Variants in SORCS1 observed in about 807,000 individuals in gnomAD.
SORCS1 encodes the protein VPS10 domain-containing receptor SorCS1.
In SORCS1, 60 loss-of-function variants were observed where a neutral mutation model predicts 146.1. That is an observed-to-expected ratio of 0.41 (90% confidence interval 0.33 to 0.51). The LOEUF is 0.51. SORCS1 is among the 20% of genes least tolerant of loss of function. The pLI, the probability that SORCS1 is intolerant of heterozygous loss-of-function variation, is 0.21. For missense variants in SORCS1, 1,352 were observed against 1,487.6 expected, an observed-to-expected ratio of 0.91 and a Z score of 1.50; for synonymous variants, 637 against 584.0, an observed-to-expected ratio of 1.09 and a Z score of -1.31.
chr10:106,989,276 A>T (rs1956636991), intron 1 of SORCS1, among the ~76,000 whole-genome samples: 1 of 79,738 alleles, frequency 1.3e-5, no homozygotes, highest in Non-Finnish European at 3.1e-5. Flanking sequence ...CCTCAGAAAA[A>T]AAAAAAAAAA....
intron 2 of SORCS1, among the ~76,000 whole-genome samples, chr10:106,894,380 C>CA (rs1484201084): frequency 6.6e-6 from 1 of 151,290 alleles, no homozygotes; most frequent in Non-Finnish European, 1.5e-5. Context: ...GGGTAGAAAA[C>CA]TTTTTTTTCT....
intron 1 of SORCS1, among the ~76,000 whole-genome samples, chr10:106,989,750 G>A (rs532150492): frequency 1.4e-5 from 2 of 138,762 alleles, no homozygotes; most frequent in African/African-American, 2.9e-5. Context: ...GCAGTGGCGC[G>A]ATCTCGGTTC....
At chr10:106,616,153 C>T (rs911574) in intron 21 of SORCS1, among the ~76,000 whole-genome samples, 108,757 of 151,954 alleles carry the variant, frequency 0.72, 40,739 homozygotes, top group Non-Finnish European at 0.83. Context: ...GCCATAATTT[C>T]CTATCTATAA....
chr10:106,579,234 T>G (rs758283458), intron 25 of SORCS1, 135 bp downstream of exon 25: 2 of 1,614,078 alleles, frequency 1.2e-6, no homozygotes, highest in East Asian at 4.5e-5. Context: ...GGCATAAACA[T>G]TAATCCCCGG....
At chr10:106,676,136 C>G (rs1852008414) in intron 13 of SORCS1, among the ~76,000 whole-genome samples, 1 of 152,106 alleles carries the variant, frequency 6.6e-6, no homozygotes, top group South Asian at 2.1e-4. Context: ...TTTTTTCTCT[C>G]TTTTGCAGCT....
chr10:106,962,126 G>A (rs117858004), intron 1 of SORCS1, among the ~76,000 whole-genome samples: 2,212 of 151,970 alleles, frequency 0.015, 65 homozygotes, highest in African/African-American at 0.05. Flanking sequence ...AGGGCTGGGC[G>A]TGGTGGCTCA....
intron 1 of SORCS1, among the ~76,000 whole-genome samples, chr10:107,135,872 A>T (rs2134672465): frequency 6.6e-6 from 1 of 152,324 alleles, no homozygotes; most frequent in Admixed American, 6.5e-5. Context: ...ATCCCAGGTG[A>T]TTTCTAGAAT....
At chr10:106,617,877 C>A (rs994567009) in intron 21 of SORCS1, among the ~76,000 whole-genome samples, 1 of 152,156 alleles carries the variant, frequency 6.6e-6, no homozygotes, top group Non-Finnish European at 1.5e-5. Context: ...AATGAGTTAG[C>A]CTTACACATC....
chr10:106,935,522 A>G (rs1336252611), intron 2 of SORCS1, among the ~76,000 whole-genome samples: 3 of 152,224 alleles, frequency 2.0e-5, no homozygotes, highest in African/African-American at 7.2e-5. Flanking sequence ...AATTCCTAGA[A>G]GAAATAGGAA....
At chr10:106,723,810 T>C (rs12250769) in intron 6 of SORCS1, among the ~76,000 whole-genome samples, 3,637 of 152,238 alleles carry the variant, frequency 0.024, 123 homozygotes, top group African/African-American at 0.075. Context: ...AGGTTCAGAA[T>C]CTGTGCCATG....
chr10:106,797,908 G>A (rs1030955981), intron 3 of SORCS1, among the ~76,000 whole-genome samples: 1 of 152,108 alleles, frequency 6.6e-6, no homozygotes, highest in Non-Finnish European at 1.5e-5. Flanking sequence ...AGGCAGAGAT[G>A]GGCTAAGATA....
chr10:106,976,019 A>C (rs1955980457), intron 1 of SORCS1, among the ~76,000 whole-genome samples: 1 of 151,312 alleles, frequency 6.6e-6, no homozygotes, highest in Non-Finnish European at 1.5e-5. Context: ...GTGGTGGCGC[A>C]CCTGTAATCC....
chr10:107,144,211 T>C (rs1968101866), intron 1 of SORCS1, among the ~76,000 whole-genome samples: 1 of 152,154 alleles, frequency 6.6e-6, no homozygotes, highest in Admixed American at 6.5e-5. Context: ...CTTACTCCAC[T>C]CCCATTTGGC....
chr10:106,688,177 A>T lies in SORCS1; in HGVS notation c.1560+15T>A. The T allele has an allele frequency of 6.2e-7, 1 of 1,610,810 alleles. No individual in the cohort carries two copies. Among genetic ancestry groups the T allele is most frequent in the Non-Finnish European group, 8.5e-7 (1 of 1,178,782 alleles). On this transcript the variant is annotated intron_variant, in intron 10 of 25. Transcript: ENST00000263054. ...TCTACTGTGTGAGGCATTCTGCTTC[A>T]ATAGGAAGACTCACCAGCAAGCAGT...
chr10:106,695,767 C>A (rs1268336865), intron 9 of SORCS1, among the ~76,000 whole-genome samples: 1 of 152,106 alleles, frequency 6.6e-6, no homozygotes, highest in African/African-American at 2.4e-5. Flanking sequence ...ACTTTCCTGG[C>A]TCTCATTTCT....
chr10:107,172,140 C>G, the SORCS1 span, among the ~76,000 whole-genome samples: 2 of 152,294 alleles, frequency 1.3e-5, no homozygotes, highest in South Asian at 4.1e-4. Flanking sequence ...AGGCCAGCAG[C>G]CAAAATCTTT....
Position 106,577,384 on chromosome 10 carries a change from G to T in SORCS1, c.*36C>A, listed in dbSNP as rs1265673812. 1.2e-6 allele frequency: 2 copies of T among 1,613,434 alleles called. No individual in the cohort carries two copies. The highest frequency in any genetic ancestry group is 3.3e-5 in the Admixed American group (2 of 59,996). On this transcript the variant is annotated 3_prime_UTR_variant, in exon 26 of 26. Coordinates refer to ENST00000263054, the MANE Select transcript of SORCS1 (RefSeq NM_052918.5). ...CTTGACAAGAGCGAAATTCTTTCCT[G>T]ATCAGCAGGTCGCCTGTAGCCTTTG...
At chr10:106,674,958 C>G in intron 14 of SORCS1, 91 bp downstream of exon 14, 1 of 990,244 alleles carries the variant, frequency 1.0e-6, no homozygotes, top group Non-Finnish European at 1.5e-6. Context: ...TTGAACCTAA[C>G]AGCTGCAAAT....
intron 1 of SORCS1, among the ~76,000 whole-genome samples, chr10:107,000,395 C>T (rs1394125619): frequency 3.3e-5 from 5 of 150,952 alleles, no homozygotes; most frequent in Non-Finnish European, 5.9e-5. Flanking sequence ...GTCAGGAGAT[C>T]GAGATCATCC....
Sources: allele counts gnomAD v4.1 joint callset (sites outside exome capture counted in the v4.1 genomes callset), GRCh38; gene constraint gnomAD v4.1.1; transcripts MANE v1.5; gene names NCBI Gene and HGNC (gene_info 2026-07-23, HGNC 2026-07-21).